CLASP1: variants seen among roughly 807,000 people sequenced by gnomAD.
CLASP1 encodes CLIP-associating protein 1.
Under a neutral mutation model 192.3 loss-of-function variants are expected in CLASP1, and 38 were observed. The observed-to-expected ratio is 0.20, with a 90% CI of 0.15 to 0.26. CLASP1 has a LOEUF of 0.26. CLASP1 is among the 10% of genes least tolerant of loss of function. The pLI is 1.00. For synonymous variants in CLASP1, 691 were observed against 712.8 expected (o/e 0.97, Z 0.49); for missense variants, 1,433 against 1,932.5 (o/e 0.74, Z 4.85).
chr2:121,648,326 A>G (rs1355495671), intron 1 of CLASP1, among the ~76,000 whole-genome samples: 1 of 152,202 alleles, frequency 6.6e-6, no homozygotes, highest in African/African-American at 2.4e-5. Context: ...CGGTCTCCCA[A>G]AGGACTAGAG....
chr2:121,364,892 G>C, intron 36 of CLASP1: 3 of 602,896 alleles, frequency 5.0e-6, no homozygotes, highest in Non-Finnish European at 8.9e-6. Flanking sequence ...ATGCACGTAA[G>C]CCAAGCAGCA....
intron 7 of CLASP1, among the ~76,000 whole-genome samples, chr2:121,507,886 A>G (rs1189129682): frequency 6.6e-6 from 1 of 152,194 alleles, no homozygotes; most frequent in African/African-American, 2.4e-5. Flanking sequence ...ATATATTCAA[A>G]GTTCTGAAAT....
intron 26 of CLASP1, chr2:121,402,564 ATAC>A (rs1223170830): frequency 1.9e-6 from 1 of 517,252 alleles, no homozygotes; most frequent in Non-Finnish European, 3.9e-6. Flanking sequence ...CAGCTAACAA[ATAC>A]TAACTAAACT....
chr2:121,508,237 AAAG>A (rs1282679248), intron 7 of CLASP1, among the ~76,000 whole-genome samples: 3 of 152,290 alleles, frequency 2.0e-5, no homozygotes, highest in East Asian at 1.9e-4. Flanking sequence ...AATAGCAAAA[AAAG>A]AAGAAAACAG....
intron 20 of CLASP1, among the ~76,000 whole-genome samples, chr2:121,429,592 G>T (rs530065875): frequency 1.3e-5 from 2 of 152,224 alleles, no homozygotes; most frequent in African/African-American, 4.8e-5. Context: ...GCTAGGCAAA[G>T]CAAGAGCCCA....
intron 14 of CLASP1, 34 bp from the exon 15 acceptor site, chr2:121,451,883 T>A (rs983686415): frequency 3.5e-6 from 5 of 1,440,194 alleles, no homozygotes; most frequent in African/African-American, 1.4e-5. Context: ...AACTTATTAA[T>A]ACATATTTTA....
At chr2:121,387,879 A>C (rs1181152457) in exon 31 of CLASP1, 1 of 1,612,614 alleles carries the variant, frequency 6.2e-7, no homozygotes, top group South Asian at 1.1e-5. Flanking sequence ...TTCAATTCAA[A>C]CAGAGAGATT....
Position 121,590,325 on chromosome 2 carries a change from C to T in CLASP1, c.195+15376G>A, listed in dbSNP as rs555722236. Among the ~76,000 whole-genome samples, 28 of 152,270 alleles carry T rather than the reference C, an allele frequency of 1.8e-4. No homozygotes were observed. The South Asian group carries it at 4.6e-3, about 25-fold the overall frequency. On this transcript the variant is annotated intron_variant, in intron 2 of 39. Transcript: ENST00000263710. ...ACGTATGTACAGGGATGATCAAGTG[C>T]AGTGATGCTATGGCCAAAAGATGAG...
At chr2:121,404,549 C>T (rs1242305914) in intron 25 of CLASP1, 115 bp from the exon 27 acceptor site, 5 of 917,916 alleles carry the variant, frequency 5.4e-6, no homozygotes. Context: ...TCACTACAGC[C>T]TTGATCTCCC....
At chr2:121,505,284 T>C (rs1194996550) in intron 7 of CLASP1, 1 of 152,212 alleles carries the variant, frequency 6.6e-6, no homozygotes, top group African/African-American at 2.4e-5. Context: ...TGCAGATTCT[T>C]TCTCAGTGGT....
chr2:121,393,326 A>T (rs759621275), intron 30 of CLASP1, among the ~76,000 whole-genome samples: 1 of 152,212 alleles, frequency 6.6e-6, no homozygotes, highest in Non-Finnish European at 1.5e-5. Flanking sequence ...AACGCTTTTA[A>T]ATCACCAAGA....
chr2:121,396,286 C>T (rs547400094), intron 30 of CLASP1, among the ~76,000 whole-genome samples: 5 of 152,106 alleles, frequency 3.3e-5, no homozygotes, highest in South Asian at 4.2e-4. Flanking sequence ...GAAAGTAGCA[C>T]GCCAGTGGAG....
At chr2:121,595,999 A>C (rs1334042037) in intron 2 of CLASP1, among the ~76,000 whole-genome samples, 1 of 152,224 alleles carries the variant, frequency 6.6e-6, no homozygotes, top group Non-Finnish European at 1.5e-5. Context: ...AGAGAAAGCT[A>C]CCTGCTCAAA....
chr2:121,456,577 A>G (rs1209677575), intron 14 of CLASP1, among the ~76,000 whole-genome samples: 1 of 152,036 alleles, frequency 6.6e-6, no homozygotes, highest in African/African-American at 2.4e-5. Context: ...GGAAGGAAAC[A>G]GAAGGGAAAG....
At chr2:121,527,399 C>T (rs2094600280) in intron 5 of CLASP1, among the ~76,000 whole-genome samples, 1 of 152,102 alleles carries the variant, frequency 6.6e-6, no homozygotes, top group Admixed American at 6.5e-5. Flanking sequence ...TGTATAATTC[C>T]ATTTACATAA....
rs180959072 is a variant in CLASP1, at chr2:121,562,464, C to T, written c.196-32139G>A. Among the ~76,000 whole-genome samples, 436 of 152,314 alleles carry T rather than the reference C, an allele frequency of 2.9e-3. 3 individuals carry two copies. Among genetic ancestry groups the T allele is most frequent in the Middle Eastern group, 0.01 (3 of 294 alleles). On this transcript the variant is annotated intron_variant, in intron 2 of 39. Coordinates refer to ENST00000263710, the Ensembl canonical transcript of CLASP1. ...TGTCTTTACTGATTTATCTAGTCAT[C>T]CAGCAAAGAACAAATCACTCCAAAG... is the stretch of plus-strand genomic sequence containing the variant.
At chr2:121,596,961 A>C (rs1265132226) in intron 2 of CLASP1, among the ~76,000 whole-genome samples, 1 of 152,170 alleles carries the variant, frequency 6.6e-6, no homozygotes, top group African/African-American at 2.4e-5. Context: ...TTTCAAATAT[A>C]AGGCAGCACG....
intron 7 of CLASP1, among the ~76,000 whole-genome samples, chr2:121,505,597 A>C (rs532203200): frequency 6.6e-6 from 1 of 152,344 alleles, no homozygotes; most frequent in South Asian, 2.1e-4. Context: ...CTTGGGACCT[A>C]CTGATTCACA....
At chr2:121,596,769 T>A (rs1224345101) in intron 2 of CLASP1, among the ~76,000 whole-genome samples, 1 of 152,240 alleles carries the variant, frequency 6.6e-6, no homozygotes. Context: ...CAACTAAGCA[T>A]ACCCTAATGT....
Sources: allele counts gnomAD v4.1 joint callset (sites outside exome capture counted in the v4.1 genomes callset), GRCh38; gene constraint gnomAD v4.1.1; transcripts MANE v1.5; gene names NCBI Gene and HGNC (gene_info 2026-07-23, HGNC 2026-07-21).